ZFP2: variants seen among roughly 807,000 people sequenced by gnomAD.
The protein encoded by ZFP2 is zinc finger protein ZFP2.
Under a neutral mutation model 36.1 loss-of-function variants are expected in ZFP2, and 33 were observed. That is an observed-to-expected ratio of 0.92 (90% confidence interval 0.69 to 1.22). ZFP2 has a LOEUF of 1.22. Ranked by LOEUF, ZFP2 falls within the 50% of genes most tolerant of loss-of-function variation. The pLI, the probability that ZFP2 is intolerant of heterozygous loss-of-function variation, is 0.00. For synonymous variants in ZFP2, 170 were observed against 178.0 expected (o/e 0.96, Z 0.36); for missense variants, 522 against 551.4 (o/e 0.95, Z 0.53).
At chr5:178,899,860 A>G (rs1226250805) in intron 1 of ZFP2, among the ~76,000 whole-genome samples, 1 of 151,968 alleles carries the variant, frequency 6.6e-6, no homozygotes, top group Non-Finnish European at 1.5e-5. Flanking sequence ...TCATAAAAGT[A>G]TGTATTAGGG....
rs771061481 is a variant in ZFP2, at chr5:178,931,730, C to G, written c.417C>G (p.Phe139Leu). ...AGTGTAATGTATGTGGGAAACACTT[C>G]ATTGAACGATCCTCCCTTACTGTAC... The part of the protein sequence containing the change: ...PYKCNVCGKH[F>L]IERSSLTVHQ... Residue 139 changes from phenylalanine to leucine, a missense_variant, in exon 5 of 5, where the codon TTC becomes TTG. Phe to Leu is a conservative substitution (Grantham distance 22). Transcript: ENST00000361362. 2.5e-6 allele frequency: 4 copies of G among 1,614,112 alleles called. No homozygotes were observed. The South Asian group carries it at 4.4e-5, about 18-fold the overall frequency.
chr5:178,923,671 A>G (rs1758606864), intron 4 of ZFP2, among the ~76,000 whole-genome samples: 2 of 149,064 alleles, frequency 1.3e-5, no homozygotes, highest in African/African-American at 4.9e-5. Context: ...TCTTGCAGGC[A>G]TGGCCCCATT....
At chr5:178,908,615 C>G (rs1404437383) in intron 1 of ZFP2, among the ~76,000 whole-genome samples, 3 of 143,628 alleles carry the variant, frequency 2.1e-5, no homozygotes, top group Non-Finnish European at 4.6e-5. Flanking sequence ...TATGCCTTCC[C>G]CTACCAAAAA....
intron 1 of ZFP2, among the ~76,000 whole-genome samples, chr5:178,912,292 A>G (rs1758315064): frequency 6.6e-6 from 1 of 152,210 alleles, no homozygotes; most frequent in Non-Finnish European, 1.5e-5. Flanking sequence ...TCCTTCACCA[A>G]TGAGGTGAAT....
chr5:178,900,585 A>C (rs371993638), intron 1 of ZFP2, among the ~76,000 whole-genome samples: 706 of 16,346 alleles, frequency 0.043, 1 homozygote, highest in Non-Finnish European at 0.053. Context: ...CCCCAGCCAG[A>C]CAGTGTCCTC....
intron 4 of ZFP2, among the ~76,000 whole-genome samples, chr5:178,930,158 A>G (rs1056551333): frequency 4.6e-5 from 7 of 151,864 alleles, no homozygotes; most frequent in African/African-American, 1.7e-4. Flanking sequence ...ATCTCCCATA[A>G]GGCCCCACCT....
In ZFP2 at chr5:178,932,223, G is replaced by A. The variant is rs763010657; in HGVS notation, c.910G>A (p.Gly304Arg). 50 of 1,613,978 alleles carry A rather than the reference G, an allele frequency of 3.1e-5. 1 individual carries two copies. The highest frequency in any genetic ancestry group is 1.8e-4 in the East Asian group (8 of 44,888). Residue 304 changes from glycine to arginine, a missense_variant, in exon 5 of 5, where the codon GGG (glycine) becomes AGG (arginine). Coordinates refer to ENST00000361362, the MANE Select transcript of ZFP2 (RefSeq NM_030613.4). ...GEKPYKCNKC[G>R]KSFSQSTYLI... Reference sequence around the variant, plus strand: ...AAAACCTTACAAATGTAACAAATGCGGGAAATCCTTTAGCCAAAGTACATA... The same window carrying A: ...AAAACCTTACAAATGTAACAAATGCAGGAAATCCTTTAGCCAAAGTACATA...
intron 1 of ZFP2, among the ~76,000 whole-genome samples, chr5:178,902,965 G>C (rs1758091423): frequency 6.6e-6 from 1 of 152,132 alleles, no homozygotes; most frequent in Non-Finnish European, 1.5e-5. Context: ...TCATAGTTTA[G>C]TTAACCAGTC....
In ZFP2 at chr5:178,924,593, A is replaced by G. The variant is rs571169393; in HGVS notation, c.-77-6644A>G. ...AGGGGCTCCCACCAGTAATCCCAGC[A>G]CTTTGGGAGGCCAAGGTGGGTGGAT... On this transcript the variant is annotated intron_variant, in intron 4 of 4. Transcript: ENST00000361362. 1.5e-3 allele frequency among the ~76,000 whole-genome samples: 217 copies of G among 149,008 alleles called. 3 individuals are homozygous for G. Among genetic ancestry groups the G allele is most frequent in the African/African-American group, 5.1e-3 (212 of 41,214 alleles).
chr5:178,920,101 A>G (rs940481024), intron 4 of ZFP2, among the ~76,000 whole-genome samples: 14 of 152,122 alleles, frequency 9.2e-5, no homozygotes, highest in African/African-American at 2.9e-4. Flanking sequence ...TCAGCACCAA[A>G]CATTTTCTCC....
At chr5:178,902,051 T>C (rs956599160) in intron 1 of ZFP2, among the ~76,000 whole-genome samples, 3 of 152,090 alleles carry the variant, frequency 2.0e-5, no homozygotes, top group African/African-American at 7.2e-5. Flanking sequence ...GGGAGAATCG[T>C]TGGAACCCAG....
chr5:178,929,253 T>C (rs182687306), intron 4 of ZFP2, among the ~76,000 whole-genome samples: 3 of 152,392 alleles, frequency 2.0e-5, no homozygotes, highest in Admixed American at 1.3e-4. Flanking sequence ...TTTTTACTCA[T>C]GCAAATTTCT....
rs1018320521 is a variant in ZFP2 at position 178,925,982 on chromosome 5, G to A, written c.-77-5255G>A. Among the ~76,000 whole-genome samples, 30 of 148,844 alleles carry A rather than the reference G, an allele frequency of 2.0e-4. 3 individuals are homozygous for A. Among genetic ancestry groups the A allele is most frequent in the Non-Finnish European group, 2.9e-4 (19 of 66,388 alleles). ...CCCACCTCAGCCTCCGAGTAGCTGA[G>A]ACCACATGTGTGCGCCACCATGATC... On this transcript the variant is annotated intron_variant, in intron 4 of 4. Coordinates refer to ENST00000361362, the MANE Select transcript of ZFP2 (RefSeq NM_030613.4).
chr5:178,902,571 A>C (rs1742078436), intron 1 of ZFP2, among the ~76,000 whole-genome samples: 1 of 150,030 alleles, frequency 6.7e-6, no homozygotes, highest in South Asian at 2.1e-4. Flanking sequence ...ATGATCCTCA[A>C]TGTGGGTTTG....
chr5:178,927,930 C>T (rs770026386), intron 4 of ZFP2, among the ~76,000 whole-genome samples: 27 of 151,408 alleles, frequency 1.8e-4, no homozygotes, highest in Non-Finnish European at 3.8e-4. Context: ...GTAGGGAAGC[C>T]TCAGGAGGCT....
intron 1 of ZFP2, among the ~76,000 whole-genome samples, chr5:178,909,309 C>T (rs756521412): frequency 2.0e-5 from 3 of 152,216 alleles, no homozygotes; most frequent in Non-Finnish European, 4.4e-5. Flanking sequence ...TTATCTCAAG[C>T]AGCAGAACAT....
intron 1 of ZFP2, among the ~76,000 whole-genome samples, chr5:178,903,993 A>G (rs1419620390): frequency 6.6e-6 from 1 of 151,934 alleles, no homozygotes; most frequent in Non-Finnish European, 1.5e-5. Context: ...CCATCTCCAA[A>G]AAAGAAAAAA....
At chr5:178,918,064 T>C (rs906995257) in intron 4 of ZFP2, among the ~76,000 whole-genome samples, 1 of 152,232 alleles carries the variant, frequency 6.6e-6, no homozygotes, top group Non-Finnish European at 1.5e-5. Flanking sequence ...TCACCCATCA[T>C]GTTCCCTATA....
chr5:178,916,564 G>C lies in ZFP2; in HGVS notation c.-223-1G>C, dbSNP rs1015222825. ...CAAACTCCAGATCTTGTTCTTTCCA[G>C]ATTTTCTTGGATATTGCTGTCAGAT... On this transcript the variant is annotated splice_acceptor_variant, in intron 3 of 4. Transcript: ENST00000361362. LOFTEE classifies it low-confidence loss of function (5UTR_SPLICE). 1.6e-5 allele frequency: 16 copies of C among 985,272 alleles called. No homozygotes were observed. The highest frequency in any genetic ancestry group is 1.6e-4 in the African/African-American group (9 of 57,216). The allele number at this position is 985,272 out of a possible 1,614,324, so 61.0% of individuals were successfully genotyped here.
Sources: gnomAD v4.1 joint callset for allele counts (sites outside exome capture counted in the v4.1 genomes callset) on GRCh38, gnomAD v4.1.1 for gene constraint, MANE v1.5 for transcripts, NCBI Gene and HGNC (gene_info 2026-07-23, HGNC 2026-07-21) for gene names.